ADAMTS2: variants seen among roughly 807,000 people sequenced by gnomAD.
The protein encoded by ADAMTS2 is A disintegrin and metalloproteinase with thrombospondin motifs 2.
Under a neutral mutation model 123.0 loss-of-function variants are expected in ADAMTS2, and 50 were observed. The observed-to-expected ratio is 0.41, with a 90% CI of 0.32 to 0.51. The LOEUF (loss-of-function observed/expected upper bound fraction) is 0.51. ADAMTS2 is among the 20% of genes least tolerant of loss of function. ADAMTS2 has a pLI of 0.35. For synonymous variants in ADAMTS2, 678 were observed against 695.4 expected, an observed-to-expected ratio of 0.98 and a Z score of 0.39; for missense variants, 1,494 against 1,705.2, an observed-to-expected ratio of 0.88 and a Z score of 2.18.
intron 3 of ADAMTS2, among the ~76,000 whole-genome samples, chr5:179,257,553 C>T (rs1766092334): frequency 6.6e-6 from 1 of 152,218 alleles, no homozygotes; most frequent in East Asian, 1.9e-4. Flanking sequence ...TGGGGCCCTG[C>T]GCCCTCCCCG....
chr5:179,136,333 C>T (rs908603746), intron 12 of ADAMTS2, among the ~76,000 whole-genome samples: 10 of 152,160 alleles, frequency 6.6e-5, no homozygotes, highest in Admixed American at 2.0e-4. Context: ...TGGAGACCTC[C>T]GAGGCTGCAA....
chr5:179,207,497 C>CCCCCCCCCCCCCCCCCCCCA lies in ADAMTS2; in HGVS notation c.891+15_891+16insTGGGGGGGGGGGGGGGGGGG. 2 of 1,511,490 alleles carry CCCCCCCCCCCCCCCCCCCCA rather than the reference C, an allele frequency of 1.3e-6. No homozygotes were observed. The highest frequency in any genetic ancestry group is 9.1e-7 in the Non-Finnish European group (1 of 1,099,316). The allele number at this position is 1,511,490 out of a possible 1,614,324, so 93.6% of individuals were successfully genotyped here. ...CCCTCCCCGCCCCACCCTGCCCCCT[C>CCCCCCCCCCCCCCCCCCCCA]AGCCACCCCACTCACAATGTTCATG... On this transcript the variant is annotated intron_variant, in intron 4 of 21. Transcript: ENST00000251582.
chr5:179,241,620 G>A lies in ADAMTS2; in HGVS notation c.688+31291C>T, dbSNP rs542869825. Among the ~76,000 whole-genome samples the A allele has an allele frequency of 2.0e-5, 3 of 152,352 alleles. No individual in the cohort carries two copies. In the East Asian group the frequency reaches 5.8e-4, roughly 29 times the overall value. On this transcript the variant is annotated intron_variant, in intron 3 of 21. Transcript: ENST00000251582. ...ATCAAAAGAGCACAGCCTTCTTGAA[G>A]AAGTTTCCTTTGGGCAGAATTCAAG...
intron 3 of ADAMTS2, among the ~76,000 whole-genome samples, chr5:179,241,521 A>G (rs1765671749): frequency 6.6e-6 from 1 of 152,244 alleles, no homozygotes; most frequent in South Asian, 2.1e-4. Flanking sequence ...AAACAGAGTC[A>G]AAATCAATTT....
rs909966421 is a variant in ADAMTS2 at position 179,307,572 on chromosome 5, TG to T, written c.535-34509del. On this transcript the variant is annotated intron_variant, in intron 2 of 21. Transcript: ENST00000251582. The surrounding 1 kb of genome is among the most constrained non-coding windows in gnomAD (Gnocchi z 5.6). Reference sequence around the variant, plus strand: ...CCTCACGGCTGCCCCACAGAATCTCTGAAACACGACTCAGACCTGTCACTGC... The same window carrying T: ...CCTCACGGCTGCCCCACAGAATCTCTAAACACGACTCAGACCTGTCACTGC... Among the ~76,000 whole-genome samples, 40 of 152,130 alleles carry T rather than the reference TG, an allele frequency of 2.6e-4. No individual in the cohort carries two copies. Among genetic ancestry groups the T allele is most frequent in the African/African-American group, 9.7e-4 (40 of 41,434 alleles).
In ADAMTS2 at chr5:179,132,356, C is replaced by T. The variant is rs1175438015; in HGVS notation, c.2210-46G>A. The stretch of plus-strand genomic sequence containing the variant: ...CACAGAAAACTGAGAAGGGAAGGCG[C>T]CGCTCAAATTCGCACCATGCAAGGA... On this transcript the variant is annotated intron_variant, in intron 14 of 21. Transcript: ENST00000251582. The surrounding 1 kb of genome is among the most constrained non-coding windows in gnomAD (Gnocchi z 6.1). The T allele has an allele frequency of 6.3e-7, 1 of 1,585,824 alleles. No individual in the cohort carries two copies. The highest frequency in any genetic ancestry group is 8.7e-7 in the Non-Finnish European group (1 of 1,155,884).
At chr5:179,267,941 T>C (rs919637797) in intron 3 of ADAMTS2, among the ~76,000 whole-genome samples, 1 of 152,228 alleles carries the variant, frequency 6.6e-6, no homozygotes, top group African/African-American at 2.4e-5. Flanking sequence ...TGATAGGGGC[T>C]GTCTCTCGTA....
rs75504348 is a variant in ADAMTS2, at chr5:179,251,027, T to C, written c.688+21884A>G. Among the ~76,000 whole-genome samples the C allele has an allele frequency of 5.7e-3, 864 of 152,302 alleles. 11 individuals are homozygous for C. The highest frequency in any genetic ancestry group is 0.02 in the African/African-American group (826 of 41,560). On this transcript the variant is annotated intron_variant, in intron 3 of 21. Coordinates refer to ENST00000251582, the MANE Select transcript of ADAMTS2 (RefSeq NM_014244.5). ...CTGCCTCGGCAAAGGCAAAGCCTCA[T>C]GCATTTGCTCACTCCTCCCTCCCAG... is the stretch of plus-strand genomic sequence containing the variant.
intron 4 of ADAMTS2, among the ~76,000 whole-genome samples, chr5:179,205,833 G>A (rs1279336838): frequency 4.6e-5 from 7 of 151,684 alleles, no homozygotes; most frequent in Non-Finnish European, 8.8e-5. Context: ...GTGCAGTGGT[G>A]CGATCTCAGC....
In ADAMTS2 at chr5:179,180,973, T is replaced by C; in HGVS notation, c.975+99A>G. Reference sequence around the variant, plus strand: ...GAGCCAGGGAGAGGCAGGGTGGTTCTGGCAAACGCACACACTCTCCAAGGA... The same window carrying C: ...GAGCCAGGGAGAGGCAGGGTGGTTCCGGCAAACGCACACACTCTCCAAGGA... On this transcript the variant is annotated intron_variant, in intron 5 of 21. Transcript: ENST00000251582. The surrounding 1 kb of genome is among the most constrained non-coding windows in gnomAD (Gnocchi z 4.6). 1.1e-6 allele frequency: 1 copy of C among 919,426 alleles called. No homozygotes were observed. Among genetic ancestry groups the C allele is most frequent in the Non-Finnish European group, 1.8e-6 (1 of 565,468 alleles). 57.0% of individuals were successfully genotyped at this position (919,426 alleles called of 1,614,324 possible).
Position 179,332,878 on chromosome 5 carries a change from G to T in ADAMTS2, c.534+10889C>A, listed in dbSNP as rs1338145797. On this transcript the variant is annotated intron_variant, in intron 2 of 21. Coordinates refer to ENST00000251582, the MANE Select transcript of ADAMTS2 (RefSeq NM_014244.5). This position sits in a 1 kb window ranked among gnomAD's most constrained non-coding sequence, Gnocchi z 4.2. ...ACTGCCCCCACCTTGCCCTGATCAG[G>T]TCTGCAGGATCAGTGCTCAACGCCC... Among the ~76,000 whole-genome samples the T allele has an allele frequency of 1.3e-5, 2 of 152,272 alleles. No individual in the cohort carries two copies. The highest frequency in any genetic ancestry group is 1.3e-4 in the Admixed American group (2 of 15,304).
chr5:179,265,540 G>C (rs371142889), intron 3 of ADAMTS2, among the ~76,000 whole-genome samples: 4 of 152,168 alleles, frequency 2.6e-5, no homozygotes, highest in East Asian at 3.9e-4. Flanking sequence ...CACAGCCCAG[G>C]GGGTGGGAAG....
intron 12 of ADAMTS2, among the ~76,000 whole-genome samples, chr5:179,136,926 C>T (rs1330803182): frequency 3.3e-5 from 5 of 151,364 alleles, no homozygotes; most frequent in East Asian, 1.9e-4. Context: ...GCAGAGATCA[C>T]GCCACTGCAC....
chr5:179,321,809 A>G (rs1038869517), intron 2 of ADAMTS2, among the ~76,000 whole-genome samples: 3 of 151,846 alleles, frequency 2.0e-5, no homozygotes, highest in Non-Finnish European at 4.4e-5. Context: ...TCTACCACCC[A>G]TCTGTGCAAG....
Position 179,318,326 on chromosome 5 carries a change from G to A in ADAMTS2, c.534+25441C>T, listed in dbSNP as rs937172845. On this transcript the variant is annotated intron_variant, in intron 2 of 21. Coordinates refer to ENST00000251582, the MANE Select transcript of ADAMTS2 (RefSeq NM_014244.5). ...TGCCGCTGAGCCTCAGCACACAGGA[G>A]GCTGAGCCCTCATTAAAAAGGCATG... 4.7e-4 allele frequency among the ~76,000 whole-genome samples: 71 copies of A among 152,384 alleles called. 1 individual carries two copies. The highest frequency in any genetic ancestry group is 4.2e-3 in the Admixed American group (64 of 15,312).
At chr5:179,196,664 A>T (rs1004499230) in intron 4 of ADAMTS2, among the ~76,000 whole-genome samples, 1 of 152,226 alleles carries the variant, frequency 6.6e-6, no homozygotes, top group African/African-American at 2.4e-5. Flanking sequence ...GCACTGATGT[A>T]GTGAAAGGCA....
chr5:179,136,971 A>G (rs1012296483), intron 12 of ADAMTS2, among the ~76,000 whole-genome samples: 2 of 149,876 alleles, frequency 1.3e-5, no homozygotes, highest in African/African-American at 2.4e-5. Flanking sequence ...CTCCGTCTCA[A>G]AAAAAAAAAA....
At position 179,137,929 on chromosome 5, in the gene ADAMTS2, GC is replaced by G; in HGVS notation, c.1790del (p.Gly597AlafsTer74). ...CGTAGGCAAGGCCCGAGCAGGTGCG[GC>G]CCCCGTTGGCCGGGCTGGAGGAGAA... is the stretch of plus-strand genomic sequence containing the variant. Reference protein sequence around the residue: ...QCDNPHPANGGRTCSGLAYDF... With the variant: ...QCDNPHPANGXRTCSGLAYDF... On this transcript the variant is annotated frameshift_variant, in exon 12 of 22. Coordinates refer to ENST00000251582, the MANE Select transcript of ADAMTS2 (RefSeq NM_014244.5). LOFTEE classifies it high-confidence loss of function. 1.9e-6 allele frequency: 3 copies of G among 1,547,762 alleles called. No individual in the cohort carries two copies.
Position 179,262,435 on chromosome 5 carries a change from C to A in ADAMTS2, c.688+10476G>T, listed in dbSNP as rs576274667. On this transcript the variant is annotated intron_variant, in intron 3 of 21. Coordinates refer to ENST00000251582, the MANE Select transcript of ADAMTS2 (RefSeq NM_014244.5). This position sits in a 1 kb window ranked among gnomAD's most constrained non-coding sequence, Gnocchi z 5.9. ...CCGAAAACCCTCCAAAGGCCTCCAC[C>A]GCACAGGGAATGAATTCTCACCCCG... is the stretch of plus-strand genomic sequence containing the variant. Among the ~76,000 whole-genome samples, 2 of 152,096 alleles carry A rather than the reference C, an allele frequency of 1.3e-5. No individual in the cohort carries two copies. Among genetic ancestry groups the A allele is most frequent in the Non-Finnish European group, 2.9e-5 (2 of 68,020 alleles).
Sources: allele counts gnomAD v4.1 joint callset (sites outside exome capture counted in the v4.1 genomes callset), GRCh38; gene constraint gnomAD v4.1.1; non-coding constraint Gnocchi (gnomAD v3.1); transcripts MANE v1.5; gene names NCBI Gene and HGNC (gene_info 2026-07-23, HGNC 2026-07-21).